Variants in LRBA observed in about 807,000 individuals in gnomAD.
LRBA encodes LPS responsive beige-like anchor protein.
In LRBA, 176 loss-of-function variants were observed where a neutral mutation model predicts 330.0. The observed-to-expected ratio is 0.53, with a 90% CI of 0.47 to 0.60. The LOEUF (loss-of-function observed/expected upper bound fraction) is 0.60. Among genes scored for constraint, LRBA ranks in the 20% least tolerant of loss-of-function variants. LRBA has a pLI of 0.00. For synonymous variants in LRBA, 1,230 were observed against 1,193.0 expected (o/e 1.03, Z -0.64); for missense variants, 3,259 against 3,444.8 (o/e 0.95, Z 1.35).
intron 36 of LRBA, among the ~76,000 whole-genome samples, chr4:150,723,023 G>A (rs1173232010): frequency 2.0e-5 from 3 of 152,074 alleles, no homozygotes; most frequent in African/African-American, 7.2e-5. Context: ...TAGCCAGAGG[G>A]GAATGACATA....
At chr4:150,385,973 T>C (rs547640707) in intron 47 of LRBA, among the ~76,000 whole-genome samples, 2 of 152,196 alleles carry the variant, frequency 1.3e-5, no homozygotes, top group Non-Finnish European at 2.9e-5. Flanking sequence ...CGGCCTCGTC[T>C]AGATACTTAG....
chr4:150,652,100 T>C (rs1359973669), intron 37 of LRBA, among the ~76,000 whole-genome samples: 4 of 152,166 alleles, frequency 2.6e-5, no homozygotes, highest in Non-Finnish European at 4.4e-5. Flanking sequence ...CCTCCCAAAG[T>C]GCTGAGATTA....
At chr4:150,596,913 AT>A (rs1419054127) in intron 38 of LRBA, among the ~76,000 whole-genome samples, 1 of 151,558 alleles carries the variant, frequency 6.6e-6, no homozygotes, top group Non-Finnish European at 1.5e-5. Context: ...TTTTTAAAAA[AT>A]GTTATAGTAA....
Position 150,914,185 on chromosome 4 carries a change from A to G in LRBA, c.1161+10T>C, listed in dbSNP as rs1398258570. The G allele has an allele frequency of 1.3e-6, 2 of 1,598,930 alleles. No individual in the cohort carries two copies. The highest frequency in any genetic ancestry group is 2.7e-5 in the African/African-American group (2 of 74,492). On this transcript the variant is annotated intron_variant, in intron 9 of 56. Coordinates refer to ENST00000651943, the MANE Select transcript of LRBA (RefSeq NM_001364905.1). Reference sequence around the variant, plus strand: ...AACATTGGTTAAGCACAAAACAGTAAGCAAACTACCTTGTATCCCAGGCCC... The same window carrying G: ...AACATTGGTTAAGCACAAAACAGTAGGCAAACTACCTTGTATCCCAGGCCC...
chr4:150,823,248 C>A (rs1354745543), intron 30 of LRBA, among the ~76,000 whole-genome samples: 1 of 152,044 alleles, frequency 6.6e-6, no homozygotes, highest in Non-Finnish European at 1.5e-5. Flanking sequence ...ATCTTTAGCC[C>A]ATTTTAAGGT....
intron 40 of LRBA, among the ~76,000 whole-genome samples, chr4:150,505,813 A>C (rs1232361886): frequency 6.6e-6 from 1 of 152,216 alleles, no homozygotes; most frequent in African/African-American, 2.4e-5. Flanking sequence ...GAAAAGATCA[A>C]CAAAATTATT....
intron 37 of LRBA, among the ~76,000 whole-genome samples, chr4:150,613,474 G>A (rs1207623634): frequency 1.3e-5 from 2 of 152,210 alleles, no homozygotes; most frequent in Non-Finnish European, 2.9e-5. Context: ...AGAAACAATT[G>A]GGTATAAGCT....
At position 150,864,644 on chromosome 4, in the gene LRBA, C is replaced by CTTTTTTTTTTTTTTTT. The variant is rs34280757; in HGVS notation, c.2766+3011_2766+3026dup. Among the ~76,000 whole-genome samples, 2 of 118,454 alleles carry CTTTTTTTTTTTTTTTT rather than the reference C, an allele frequency of 1.7e-5. 1 individual carries two copies. The allele number at this position is 118,454 out of a possible 152,430, so 77.7% of individuals were successfully genotyped here. ...TGAAAAGCTCTCATGGGCCCACGTT[C>CTTTTTTTTTTTTTTTT]TTTTTTTTTTTTTTTTTTTTGAGAC... On this transcript the variant is annotated intron_variant, in intron 22 of 56. Transcript: ENST00000651943.
chr4:150,604,681 G>A (rs1199064828), intron 37 of LRBA, among the ~76,000 whole-genome samples: 1 of 152,102 alleles, frequency 6.6e-6, no homozygotes, highest in Non-Finnish European at 1.5e-5. Flanking sequence ...CACAACTCCA[G>A]GGGGCACTTT....
At chr4:150,351,512 A>T (rs950349704) in intron 47 of LRBA, among the ~76,000 whole-genome samples, 3 of 152,140 alleles carry the variant, frequency 2.0e-5, no homozygotes, top group African/African-American at 7.2e-5. Context: ...ACACAGTGAA[A>T]CCCTGTCTCT....
chr4:151,006,249 C>T (rs1266036441), intron 2 of LRBA, among the ~76,000 whole-genome samples: 2 of 152,122 alleles, frequency 1.3e-5, no homozygotes, highest in Admixed American at 6.5e-5. Flanking sequence ...ATCACTTGAA[C>T]CCAGAGGCGG....
chr4:150,308,880 T>G (rs1207655637), intron 52 of LRBA, among the ~76,000 whole-genome samples: 2 of 152,128 alleles, frequency 1.3e-5, no homozygotes, highest in Non-Finnish European at 2.9e-5. Flanking sequence ...GTTTATAAAG[T>G]AAAAAAGCTT....
rs1753406298 is a variant in LRBA, at chr4:150,871,281, A to G, written c.2367+64T>C. ...AAAATAAATGATCTTATTTACCTAC[A>G]CAATGTTAAGAGGCATTTTTATAAT... On this transcript the variant is annotated intron_variant, in intron 19 of 56. Transcript: ENST00000651943. The G allele has an allele frequency of 6.0e-6, 5 of 834,758 alleles. No individual in the cohort carries two copies. The South Asian group carries it at 7.7e-5, about 13-fold the overall frequency. The allele number at this position is 834,758 out of a possible 1,614,324, so 51.7% of individuals were successfully genotyped here.
intron 34 of LRBA, among the ~76,000 whole-genome samples, chr4:150,787,126 G>T (rs1403370342): frequency 1.3e-5 from 2 of 152,032 alleles, no homozygotes; most frequent in Non-Finnish European, 2.9e-5. Flanking sequence ...CAGCTACTGG[G>T]GAGGCTGAGG....
At chr4:150,367,236 T>C (rs922035110) in intron 47 of LRBA, among the ~76,000 whole-genome samples, 11 of 152,178 alleles carry the variant, frequency 7.2e-5, no homozygotes, top group African/African-American at 2.7e-4. Context: ...TCCTTTACTC[T>C]AGAATGAGGG....
chr4:150,681,126 T>C (rs1169943016), intron 37 of LRBA, among the ~76,000 whole-genome samples: 1 of 152,238 alleles, frequency 6.6e-6, no homozygotes, highest in Non-Finnish European at 1.5e-5. Context: ...ATTTTGCTCA[T>C]TGTGCATATT....
intron 40 of LRBA, chr4:150,579,495 A>T (rs1315298123): frequency 2.6e-6 from 1 of 380,566 alleles, no homozygotes; most frequent in Non-Finnish European, 5.2e-6. Flanking sequence ...TGTTTAACTG[A>T]TTTATTATTT....
intron 44 of LRBA, among the ~76,000 whole-genome samples, chr4:150,450,543 A>G (rs934296896): frequency 6.6e-6 from 1 of 152,198 alleles, no homozygotes; most frequent in African/African-American, 2.4e-5. Context: ...TTTTCATACA[A>G]GAACACCAGT....
chr4:150,660,636 G>A (rs1456406464), intron 37 of LRBA, among the ~76,000 whole-genome samples: 2 of 140,370 alleles, frequency 1.4e-5, no homozygotes, highest in African/African-American at 5.1e-5. Context: ...AGGCGGGAAA[G>A]GCGGGGAAAA....
Sources: allele counts gnomAD v4.1 joint callset (sites outside exome capture counted in the v4.1 genomes callset), GRCh38; gene constraint gnomAD v4.1.1; transcripts MANE v1.5; gene names NCBI Gene and HGNC (gene_info 2026-07-23, HGNC 2026-07-21).